Variants in PCDHGA8 observed in about 807,000 individuals in gnomAD.
PCDHGA8 encodes the protein protocadherin gamma-A8.
PCDHGA8 carries 45 observed loss-of-function variants against 59.2 expected under a neutral mutation model. That is an observed-to-expected ratio of 0.76 (90% CI 0.60 to 0.98). The LOEUF (loss-of-function observed/expected upper bound fraction) is 0.98, where lower values mean the gene tolerates loss of function less well. PCDHGA8 is among the 50% of genes least tolerant of loss of function. The pLI, the probability that PCDHGA8 is intolerant of heterozygous loss-of-function variation, is 0.00. For synonymous variants in PCDHGA8, 531 were observed against 519.0 expected, an observed-to-expected ratio of 1.02 and a Z score of -0.32; for missense variants, 1,257 against 1,196.2, an observed-to-expected ratio of 1.05 and a Z score of -0.75.
At chr5:141,458,359 A>C (rs2098943826) in intron 1 of PCDHGA8, among the ~76,000 whole-genome samples, 1 of 152,142 alleles carries the variant, frequency 6.6e-6, no homozygotes, top group Non-Finnish European at 1.5e-5. Context: ...AATAAGCAAG[A>C]AGGAAGGGAG....
At chr5:141,419,125 C>T in intron 1 of PCDHGA8, 1 of 1,613,852 alleles carries the variant, frequency 6.2e-7, no homozygotes, top group South Asian at 1.1e-5. Flanking sequence ...ACGTCACCAT[C>T]GCAGCCACAG....
chr5:141,461,230 G>T (rs945407206), intron 1 of PCDHGA8, among the ~76,000 whole-genome samples: 2 of 152,024 alleles, frequency 1.3e-5, no homozygotes, highest in African/African-American at 4.8e-5. Flanking sequence ...TTCCATAGAG[G>T]TTGTACTAAT....
At chr5:141,428,823 T>C (rs2097162740) in intron 1 of PCDHGA8, 1 of 152,274 alleles carries the variant, frequency 6.6e-6, no homozygotes, top group Non-Finnish European at 1.5e-5. Context: ...TTAGCTTTCA[T>C]GTATTTTTGA....
rs1233637152 is a variant in PCDHGA8 at position 141,432,543 on chromosome 5, A to G, written c.2424+37306A>G. ...CTGGTGACCAAGGTGGTGGCGGTGGACAGAGACTCCGGCCAGAACGCCTGG... is the reference window on the plus strand; with the variant it reads ...CTGGTGACCAAGGTGGTGGCGGTGGGCAGAGACTCCGGCCAGAACGCCTGG... On this transcript the variant is annotated intron_variant, in intron 1 of 3. Transcript: ENST00000398604. This position sits in a 1 kb window ranked among gnomAD's most constrained non-coding sequence, Gnocchi z 6.0. 3 of 1,613,678 alleles carry G rather than the reference A, an allele frequency of 1.9e-6. No individual in the cohort carries two copies. In the African/African-American group the frequency reaches 4.0e-5, roughly 22 times the overall value.
chr5:141,415,740 G>GTTTTTTTTTTTTTTTTTTTT (rs57426385), intron 1 of PCDHGA8: 5 of 625,024 alleles, frequency 8.0e-6, no homozygotes, highest in African/African-American at 5.0e-5. Flanking sequence ...GTTTATTAAG[G>GTTTTTTTTTTTTTTTTTTTT]TTTTTTTTTT....
intron 1 of PCDHGA8, chr5:141,404,265 T>A: frequency 6.2e-7 from 1 of 1,613,998 alleles, no homozygotes; most frequent in Non-Finnish European, 8.5e-7. Context: ...GAAATTCACA[T>A]CACCCTGCAA....
At chr5:141,403,010 C>G in intron 1 of PCDHGA8, 1 of 1,614,058 alleles carries the variant, frequency 6.2e-7, no homozygotes, top group Non-Finnish European at 8.5e-7. Flanking sequence ...ATGCTCGCTC[C>G]TGGGGATGCT....
Position 141,415,174 on chromosome 5 carries a change from G to C in PCDHGA8, c.2424+19937G>C, listed in dbSNP as rs1368688199. ...CTCCGCCACTGTCACGCTCACCGTG[G>C]CCGTGGCCGACAGCATCCCCCAAGT... On this transcript the variant is annotated intron_variant, in intron 1 of 3. Transcript: ENST00000398604. 4 of 1,613,784 alleles carry C rather than the reference G, an allele frequency of 2.5e-6. No homozygotes were observed. The African/African-American group carries it at 4.0e-5, about 16-fold the overall frequency.
Position 141,392,713 on chromosome 5 carries a change from G to C in PCDHGA8, c.-101G>C. On this transcript the variant is annotated 5_prime_UTR_variant, in exon 1 of 4. Coordinates refer to ENST00000398604, the MANE Select transcript of PCDHGA8 (RefSeq NM_032088.2). The stretch of plus-strand genomic sequence containing the variant: ...CCGACCCCTGTTTGGAGGCACTCCA[G>C]GTTTCCGGAGGATTGTCATCTCCAT... 1 of 1,363,444 alleles carries C rather than the reference G, an allele frequency of 7.3e-7. No individual in the cohort carries two copies. The highest frequency in any genetic ancestry group is 9.6e-7 in the Non-Finnish European group (1 of 1,037,310). 84.5% of individuals were successfully genotyped at this position (1,363,444 alleles called of 1,614,324 possible).
intron 1 of PCDHGA8, among the ~76,000 whole-genome samples, chr5:141,449,673 G>A (rs7725811): frequency 0.049 from 7,346 of 150,528 alleles, 281 homozygotes; most frequent in African/African-American, 0.1. Flanking sequence ...AAGTGTGTAT[G>A]TATATATGTT....
chr5:141,407,938 GC>G, intron 1 of PCDHGA8: 1 of 510,154 alleles, frequency 2.0e-6, no homozygotes, highest in Non-Finnish European at 3.3e-6. Context: ...GCCTCTGGGC[GC>G]CGCTGTCGGC....
chr5:141,482,049 C>G (rs1456071625), intron 1 of PCDHGA8, among the ~76,000 whole-genome samples: 2 of 149,284 alleles, frequency 1.3e-5, no homozygotes, highest in Non-Finnish European at 3.0e-5. Context: ...CATGCTGTTG[C>G]ATTCCAGCCT....
chr5:141,476,317 G>T lies in PCDHGA8; in HGVS notation c.2425-18490G>T, dbSNP rs759809060. ...GTAGCCTCTCAGCCCGCAGGTTCCG[G>T]GTGGTGTCTGGAGCTAGCCGAAGAT... On this transcript the variant is annotated intron_variant, in intron 1 of 3. Transcript: ENST00000398604. This position sits in a 1 kb window ranked among gnomAD's most constrained non-coding sequence, Gnocchi z 7.6. 1.9e-6 allele frequency: 3 copies of T among 1,614,170 alleles called. No individual in the cohort carries two copies. The highest frequency in any genetic ancestry group is 1.7e-5 in the Admixed American group (1 of 60,024).
At chr5:141,421,662 G>A (rs2096591243) in intron 1 of PCDHGA8, 3 of 1,613,844 alleles carry the variant, frequency 1.9e-6, no homozygotes, top group South Asian at 1.1e-5. Context: ...AAGTCAGTGA[G>A]CACGCAATTC....
intron 2 of PCDHGA8, among the ~76,000 whole-genome samples, chr5:141,504,750 A>C (rs921495017): frequency 6.6e-6 from 1 of 151,894 alleles, no homozygotes; most frequent in Admixed American, 6.5e-5. Context: ...ATTGAATTTT[A>C]GAAATTTCTT....
At chr5:141,501,355 A>G (rs936121172) in intron 2 of PCDHGA8, among the ~76,000 whole-genome samples, 4 of 151,760 alleles carry the variant, frequency 2.6e-5, no homozygotes, top group African/African-American at 9.7e-5. Flanking sequence ...ATAGGGCAAG[A>G]ACCATATTCA....
chr5:141,404,315 G>A lies in PCDHGA8; in HGVS notation c.2424+9078G>A, dbSNP rs775576610. The A allele has an allele frequency of 9.7e-5, 157 of 1,613,768 alleles. No individual in the cohort carries two copies. Among genetic ancestry groups the A allele is most frequent in the South Asian group, 4.1e-4 (37 of 91,078 alleles). On this transcript the variant is annotated intron_variant, in intron 1 of 3. Transcript: ENST00000398604. Reference sequence around the variant, plus strand: ...TGATAATCCACCTGCTTTCTCTCAAGCCTCCTACTCAGTCTACCTCCCGGA... The same window carrying A: ...TGATAATCCACCTGCTTTCTCTCAAACCTCCTACTCAGTCTACCTCCCGGA...
chr5:141,438,591 C>CATATATATATAT (rs946798767), intron 1 of PCDHGA8, among the ~76,000 whole-genome samples: 3 of 75,560 alleles, frequency 4.0e-5, no homozygotes, highest in Non-Finnish European at 5.4e-5. Flanking sequence ...TACATACATA[C>CATATATATATAT]ATATATATAT....
At chr5:141,450,829 A>ATT (rs373424450) in intron 1 of PCDHGA8, among the ~76,000 whole-genome samples, 8,685 of 135,030 alleles carry the variant, frequency 0.064, 328 homozygotes, top group South Asian at 0.088. Context: ...TATTATTATT[A>ATT]TTTTTTTTTT....
Sources: allele counts gnomAD v4.1 joint callset (sites outside exome capture counted in the v4.1 genomes callset), GRCh38; gene constraint gnomAD v4.1.1; non-coding constraint Gnocchi (gnomAD v3.1); transcripts MANE v1.5; gene names NCBI Gene and HGNC (gene_info 2026-07-23, HGNC 2026-07-21).